Variants in RANBP2 observed in about 807,000 individuals in gnomAD.
RANBP2 encodes E3 SUMO-protein ligase RanBP2.
In RANBP2, 57 loss-of-function variants were observed where a neutral mutation model predicts 303.6. That is an observed-to-expected ratio of 0.19 (90% confidence interval 0.15 to 0.23). The LOEUF (loss-of-function observed/expected upper bound fraction) is 0.23. Among genes scored for constraint, RANBP2 ranks in the 10% least tolerant of loss-of-function variants. The pLI is 1.00. For missense variants in RANBP2, 3,138 were observed against 3,780.8 expected (o/e 0.83, Z 4.46); for synonymous variants, 1,167 against 1,301.5 (o/e 0.90, Z 2.23).
At chr2:109,669,130 A>G in the RANBP2 span, among the ~76,000 whole-genome samples, 2 of 152,300 alleles carry the variant, frequency 1.3e-5, no homozygotes, top group African/African-American at 4.8e-5. Context: ...CGTCATGCAC[A>G]AGAAGGAGAC....
At position 108,734,496 on chromosome 2, in the gene RANBP2, G is replaced by C. The variant is rs375070143; in HGVS notation, c.406-1036G>C. ...CAGAAACCAGTTTGGGGGTTCTTCT[G>C]AGGAAAAGAGGGAATTAGTTGAAGG... On this transcript the variant is annotated intron_variant, in intron 4 of 28. Coordinates refer to ENST00000283195, the MANE Select transcript of RANBP2 (RefSeq NM_006267.5). 7.3e-3 allele frequency among the ~76,000 whole-genome samples: 1,100 copies of C among 151,286 alleles called. 20 individuals carry two copies. The highest frequency in any genetic ancestry group is 0.023 in the African/African-American group (942 of 40,894).
chr2:109,676,259 G>C, the RANBP2 span, among the ~76,000 whole-genome samples: 1 of 152,174 alleles, frequency 6.6e-6, no homozygotes, highest in Non-Finnish European at 1.5e-5. Flanking sequence ...CCTGGGAGCC[G>C]GGCTCTCCGT....
chr2:109,719,307 T>A, the RANBP2 span, among the ~76,000 whole-genome samples: 1 of 151,368 alleles, frequency 6.6e-6, no homozygotes, highest in African/African-American at 2.4e-5. Flanking sequence ...TTCATGTTGA[T>A]CAGGCTGGTC....
At position 108,766,957 on chromosome 2, in the gene RANBP2, G is replaced by A; in HGVS notation, c.6418G>A (p.Glu2140Lys). The change falls in exon 20 of 29, where the codon GAG becomes AAG. Residue 2140 changes from glutamate (E) to lysine (K), a missense_variant. Physicochemically the swap from Glu to Lys is moderately conservative, Grantham distance 56 (BLOSUM62 1). This residue lies in a region of RANBP2 where 103 missense variants were observed against 214.3 expected (regional missense o/e 0.48). Coordinates refer to ENST00000283195, the MANE Select transcript of RANBP2 (RefSeq NM_006267.5). Reference protein sequence around the residue: ...ELAEEFKQKFEECQRLLLDIP... With the variant: ...ELAEEFKQKFKECQRLLLDIP... ...GGCTGAAGAATTCAAGCAGAAATTT[G>A]AGGAATGCCAGCGGCTTCTGTTAGA... 6.2e-7 allele frequency: 1 copy of A among 1,609,350 alleles called. No homozygotes were observed. The highest frequency in any genetic ancestry group is 8.5e-7 in the Non-Finnish European group (1 of 1,179,842).
At chr2:109,727,890 TC>T in the RANBP2 span, among the ~76,000 whole-genome samples, 3 of 152,206 alleles carry the variant, frequency 2.0e-5, no homozygotes, top group Admixed American at 2.0e-4. Flanking sequence ...CAACAGTATG[TC>T]CCAGCCCACA....
chr2:109,070,915 C>T, the RANBP2 span, among the ~76,000 whole-genome samples: 3 of 151,836 alleles, frequency 2.0e-5, no homozygotes, highest in African/African-American at 4.8e-5. Flanking sequence ...GTTGCTCCCT[C>T]TCTCGCCATG....
chr2:109,104,277 T>C, the RANBP2 span, among the ~76,000 whole-genome samples: 1 of 152,172 alleles, frequency 6.6e-6, no homozygotes, highest in Non-Finnish European at 1.5e-5. Flanking sequence ...AAATCTGTTG[T>C]GTCAGTCTTA....
At chr2:108,840,886 A>T in the RANBP2 span, among the ~76,000 whole-genome samples, 1 of 151,834 alleles carries the variant, frequency 6.6e-6, no homozygotes, top group South Asian at 2.1e-4. Context: ...GTCTCGGCTC[A>T]TTGCAACCTC....
chr2:108,938,246 C>T, the RANBP2 span, among the ~76,000 whole-genome samples: 2 of 152,272 alleles, frequency 1.3e-5, no homozygotes, highest in African/African-American at 4.8e-5. Context: ...AAACCAGTGA[C>T]GATGATAATT....
the RANBP2 span, among the ~76,000 whole-genome samples, chr2:109,391,838 GTCT>G: frequency 6.6e-6 from 1 of 151,914 alleles, no homozygotes; most frequent in Non-Finnish European, 1.5e-5. Flanking sequence ...TAAAAATATG[GTCT>G]TCTTTTTTTT....
chr2:109,221,164 A>C, the RANBP2 span, among the ~76,000 whole-genome samples: 1 of 152,256 alleles, frequency 6.6e-6, no homozygotes, highest in Non-Finnish European at 1.5e-5. Flanking sequence ...AGTCATGCAC[A>C]GAGGAACCAT....
the RANBP2 span, among the ~76,000 whole-genome samples, chr2:109,269,541 G>A: frequency 2.0e-5 from 3 of 152,224 alleles, no homozygotes; most frequent in African/African-American, 7.2e-5. Context: ...AGCACTTTGG[G>A]AGGCCAAGTC....
the RANBP2 span, among the ~76,000 whole-genome samples, chr2:109,187,400 T>C: frequency 6.6e-6 from 1 of 151,968 alleles, no homozygotes; most frequent in African/African-American, 2.4e-5. Context: ...AAAGCTAAGA[T>C]GGTGCTTAAG....
the RANBP2 span, among the ~76,000 whole-genome samples, chr2:108,792,695 A>C: frequency 6.6e-6 from 1 of 152,186 alleles, no homozygotes; most frequent in Admixed American, 6.5e-5. Context: ...TGTCTGTTCA[A>C]AATGGAGTAT....
At chr2:109,203,813 G>A in the RANBP2 span, among the ~76,000 whole-genome samples, 2 of 115,284 alleles carry the variant, frequency 1.7e-5, no homozygotes, top group East Asian at 3.0e-4. Flanking sequence ...TGCACGCCTC[G>A]ACTCTGAAGC....
the RANBP2 span, chr2:109,545,245 C>T: frequency 5.9e-6 from 8 of 1,359,884 alleles, no homozygotes; most frequent in Non-Finnish European, 7.6e-6. Context: ...GATGAATTTC[C>T]TCAAGAGCCA....
chr2:109,293,001 G>A, the RANBP2 span, among the ~76,000 whole-genome samples: 2 of 152,156 alleles, frequency 1.3e-5, no homozygotes, highest in African/African-American at 2.4e-5. Flanking sequence ...CAAAGTTCTG[G>A]GATTACAGGC....
Position 108,760,090 on chromosome 2 carries a change from T to C in RANBP2, c.2602+1542T>C, listed in dbSNP as rs1021815351. ...TCCTGTGTTCATAGATTCTTTTTCC[T>C]TAATAAAAGTAAACATATATCAAGA... On this transcript the variant is annotated intron_variant, in intron 18 of 28. Coordinates refer to ENST00000283195, the MANE Select transcript of RANBP2 (RefSeq NM_006267.5). Among the ~76,000 whole-genome samples, 80 of 152,086 alleles carry C rather than the reference T, an allele frequency of 5.3e-4. 3 individuals carry two copies. Among genetic ancestry groups the C allele is most frequent in the Non-Finnish European group, 8.8e-5 (6 of 67,972 alleles).
chr2:109,503,670 G>A, the RANBP2 span: 4 of 152,190 alleles, frequency 2.6e-5, no homozygotes, highest in African/African-American at 9.7e-5. Context: ...TCAACAACCT[G>A]GATGACGCAG....
Sources: allele counts gnomAD v4.1 joint callset (sites outside exome capture counted in the v4.1 genomes callset), GRCh38; gene constraint gnomAD v4.1.1; regional missense constraint gnomAD v4.1.1; transcripts MANE v1.5; gene names NCBI Gene and HGNC (gene_info 2026-07-23, HGNC 2026-07-21).